Variants in GALNT17 observed in about 807,000 individuals in gnomAD.
The protein encoded by GALNT17 is UDP-GalNAc:polypeptide N-acetylgalactosaminyltransferase-like 3.
A neutral mutation model predicts 63.7 loss-of-function variants in GALNT17; 29 were observed. The ratio of observed to expected loss-of-function variants is 0.46; its 90% CI spans 0.34 to 0.62. The LOEUF is 0.62. GALNT17 is among the 20% of genes least tolerant of loss of function. The pLI, the probability that GALNT17 is intolerant of heterozygous loss-of-function variation, is 0.01. For missense variants in GALNT17, 603 were observed against 799.6 expected, an observed-to-expected ratio of 0.75 and a Z score of 2.97; for synonymous variants, 305 against 318.3, an observed-to-expected ratio of 0.96 and a Z score of 0.45.
At chr7:71,357,562 C>T (rs184229576) in intron 2 of GALNT17, among the ~76,000 whole-genome samples, 48 of 152,280 alleles carry the variant, frequency 3.2e-4, no homozygotes, top group African/African-American at 1.1e-3. Flanking sequence ...GCTGCCTCCC[C>T]ATACTTTTTA....
In GALNT17 at chr7:71,156,579, GTCCTTCCTTCCT is replaced by G. The variant is rs61515412; in HGVS notation, c.238+23568_238+23579del. 3.9e-3 allele frequency among the ~76,000 whole-genome samples: 540 copies of G among 139,898 alleles called. 12 individuals are homozygous for G. The highest frequency in any genetic ancestry group is 0.013 in the African/African-American group (440 of 34,606). The allele number at this position is 139,898 out of a possible 152,430, so 91.8% of individuals were successfully genotyped here. The stretch of plus-strand genomic sequence containing the variant: ...TTAAATTCATTTATTCACATGAGAT[GTCCTTCCTTCCT>G]TCCTTCCTTCCTTCCTTCCTTCCTT... On this transcript the variant is annotated intron_variant, in intron 1 of 10. Coordinates refer to ENST00000333538, the MANE Select transcript of GALNT17 (RefSeq NM_022479.3).
intron 6 of GALNT17, among the ~76,000 whole-genome samples, chr7:71,579,808 C>T (rs1315984547): frequency 6.6e-6 from 1 of 152,024 alleles, no homozygotes; most frequent in South Asian, 2.1e-4. Flanking sequence ...TCTTAAGGAT[C>T]ACTGTAGACA....
At chr7:71,536,563 A>G (rs985662436) in intron 5 of GALNT17, among the ~76,000 whole-genome samples, 1 of 152,196 alleles carries the variant, frequency 6.6e-6, no homozygotes, top group East Asian at 1.9e-4. Flanking sequence ...AGGAAGATGC[A>G]AAAGCAGAAA....
At chr7:71,240,146 A>T (rs1296517428) in intron 1 of GALNT17, among the ~76,000 whole-genome samples, 1 of 152,230 alleles carries the variant, frequency 6.6e-6, no homozygotes, top group Non-Finnish European at 1.5e-5. Flanking sequence ...CCTAGTAGCT[A>T]CTTCACAGCC....
chr7:71,657,416 G>C (rs939905598), intron 6 of GALNT17, among the ~76,000 whole-genome samples: 1 of 152,310 alleles, frequency 6.6e-6, no homozygotes, highest in East Asian at 1.9e-4. Context: ...TAGCCTGTGA[G>C]CATAGTGAAT....
chr7:71,136,076 T>C (rs1787777879), intron 1 of GALNT17, among the ~76,000 whole-genome samples: 1 of 152,166 alleles, frequency 6.6e-6, no homozygotes. Context: ...GGGCTCTTCC[T>C]CTCTCTCCAC....
rs113094077 is a variant in GALNT17, at chr7:71,522,735, C to G, written c.963-48550C>G. Among the ~76,000 whole-genome samples, 699 of 152,228 alleles carry G rather than the reference C, an allele frequency of 4.6e-3. 9 individuals are homozygous for G. Among genetic ancestry groups the G allele is most frequent in the African/African-American group, 0.016 (676 of 41,522 alleles). On this transcript the variant is annotated intron_variant, in intron 5 of 10. Transcript: ENST00000333538. ...TGCAATGCAAGGCTTGGTTTTCAAG[C>G]CAGTGAGGTGGCAACAGAAACTGGA... is the stretch of plus-strand genomic sequence containing the variant.
At chr7:71,187,212 T>G (rs1409425239) in intron 1 of GALNT17, among the ~76,000 whole-genome samples, 3 of 152,032 alleles carry the variant, frequency 2.0e-5, no homozygotes, top group African/African-American at 7.2e-5. Context: ...CTCGAACTCC[T>G]GATCCTTCTG....
At chr7:71,677,727 G>A (rs1791175042) in intron 9 of GALNT17, among the ~76,000 whole-genome samples, 1 of 152,020 alleles carries the variant, frequency 6.6e-6, no homozygotes, top group South Asian at 2.1e-4. Context: ...GTGTCAGCCA[G>A]GATGGTCTTC....
chr7:71,232,679 G>GC (rs896475416), intron 1 of GALNT17, among the ~76,000 whole-genome samples: 2 of 152,188 alleles, frequency 1.3e-5, no homozygotes, highest in African/African-American at 4.8e-5. Flanking sequence ...GAGCAGGGCT[G>GC]CCCCATAGGC....
At chr7:71,167,880 G>A (rs896594574) in intron 1 of GALNT17, among the ~76,000 whole-genome samples, 15 of 152,120 alleles carry the variant, frequency 9.9e-5, no homozygotes, top group African/African-American at 3.6e-4. Flanking sequence ...GTGTTGGCCA[G>A]GCTGGTCTTG....
intron 6 of GALNT17, among the ~76,000 whole-genome samples, chr7:71,631,303 C>A (rs1790450013): frequency 6.6e-6 from 1 of 151,774 alleles, no homozygotes; most frequent in Non-Finnish European, 1.5e-5. Flanking sequence ...AGCGATCCTC[C>A]CATTTCTACC....
In GALNT17 at chr7:71,669,971, G is replaced by A. The variant is rs780457125; in HGVS notation, c.1267-1G>A. The A allele has an allele frequency of 1.2e-6, 2 of 1,614,024 alleles. No individual in the cohort carries two copies. The highest frequency in any genetic ancestry group is 1.7e-6 in the Non-Finnish European group (2 of 1,179,986). Reference sequence around the variant, plus strand: ...ACCCCTTGGCTTCTCTCTCCTTTCAGAATCCGGGAATTGACATCGGTGATG... The same window carrying A: ...ACCCCTTGGCTTCTCTCTCCTTTCAAAATCCGGGAATTGACATCGGTGATG... On this transcript the variant is annotated splice_acceptor_variant, in intron 7 of 10. Transcript: ENST00000333538. LOFTEE classifies it high-confidence loss of function.
intron 1 of GALNT17, among the ~76,000 whole-genome samples, chr7:71,275,952 C>A (rs1051399070): frequency 1.3e-5 from 2 of 152,218 alleles, no homozygotes; most frequent in African/African-American, 4.8e-5. Context: ...CAACCACCAG[C>A]TCCTTAGCTA....
intron 1 of GALNT17, among the ~76,000 whole-genome samples, chr7:71,243,651 C>G (rs187221958): frequency 6.6e-6 from 1 of 152,092 alleles, no homozygotes; most frequent in Non-Finnish European, 1.5e-5. Flanking sequence ...GTGACCCCCC[C>G]ATCTTGGCCT....
intron 5 of GALNT17, among the ~76,000 whole-genome samples, chr7:71,516,784 T>TG (rs1351682171): frequency 6.6e-6 from 1 of 152,188 alleles, no homozygotes; most frequent in Non-Finnish European, 1.5e-5. Context: ...CCCTGTCACC[T>TG]GGAGCAGCAT....
intron 1 of GALNT17, among the ~76,000 whole-genome samples, chr7:71,245,039 T>A (rs1790068538): frequency 6.6e-6 from 1 of 152,122 alleles, no homozygotes; most frequent in African/African-American, 2.4e-5. Context: ...AAGCAATTAA[T>A]CGATGTCACC....
intron 5 of GALNT17, among the ~76,000 whole-genome samples, chr7:71,527,840 C>T (rs529852767): frequency 9.2e-5 from 14 of 152,266 alleles, no homozygotes; most frequent in South Asian, 6.2e-4. Flanking sequence ...ACACACACTG[C>T]GCTCTGTCAT....
intron 6 of GALNT17, among the ~76,000 whole-genome samples, chr7:71,645,469 G>A (rs1235810574): frequency 6.6e-6 from 1 of 152,134 alleles, no homozygotes; most frequent in Non-Finnish European, 1.5e-5. Flanking sequence ...AGAAGTGCCT[G>A]CTTCCCTTTC....
Sources: gnomAD v4.1 joint callset for allele counts (sites outside exome capture counted in the v4.1 genomes callset) on GRCh38, gnomAD v4.1.1 for gene constraint, MANE v1.5 for transcripts, NCBI Gene and HGNC (gene_info 2026-07-23, HGNC 2026-07-21) for gene names.